The following SIPA1L1 variants were observed in gnomAD, a reference collection of about 807,000 sequenced individuals.
SIPA1L1 encodes signal induced proliferation associated 1 like 1.
In SIPA1L1, 26 loss-of-function variants were observed where a neutral mutation model predicts 162.7. That is an observed-to-expected ratio of 0.16 (90% CI 0.12 to 0.22). The LOEUF (loss-of-function observed/expected upper bound fraction) is 0.22. Among genes scored for constraint, SIPA1L1 ranks in the 10% least tolerant of loss-of-function variants. SIPA1L1 has a pLI of 1.00. For missense variants in SIPA1L1, 1,874 were observed against 2,241.0 expected (o/e 0.84, Z 3.31); for synonymous variants, 829 against 837.4 (o/e 0.99, Z 0.17).
intron 4 of SIPA1L1, among the ~76,000 whole-genome samples, chr14:71,577,139 AG>A (rs1178224138): frequency 6.6e-6 from 1 of 152,052 alleles, no homozygotes; most frequent in African/African-American, 2.4e-5. Flanking sequence ...AGGTTCTCAA[AG>A]TGACATGACT....
chr14:71,423,267 G>A (rs1008691810), intron 2 of SIPA1L1, among the ~76,000 whole-genome samples: 1 of 152,048 alleles, frequency 6.6e-6, no homozygotes, highest in African/African-American at 2.4e-5. Flanking sequence ...CTCCCATTCT[G>A]TGTGTTGCCT....
intron 2 of SIPA1L1, among the ~76,000 whole-genome samples, chr14:71,479,502 C>G (rs145879486): frequency 1.5e-3 from 227 of 152,168 alleles, no homozygotes; most frequent in African/African-American, 5.3e-3. Flanking sequence ...TTCAAGTGAT[C>G]CTCTTGCCTC....
At chr14:71,491,761 A>AACACAC (rs59275638) in intron 2 of SIPA1L1, among the ~76,000 whole-genome samples, 6,732 of 97,748 alleles carry the variant, frequency 0.069, 276 homozygotes, top group East Asian at 0.095. Flanking sequence ...TTTTATTTCA[A>AACACAC]ACACACACAC....
At chr14:71,644,447 G>A (rs1039515387) in intron 7 of SIPA1L1, among the ~76,000 whole-genome samples, 4 of 151,576 alleles carry the variant, frequency 2.6e-5, no homozygotes, top group African/African-American at 9.7e-5. Flanking sequence ...GTGTTGCTCT[G>A]GCTGGTCTTG....
chr14:71,520,403 T>A (rs2052204898), intron 3 of SIPA1L1, among the ~76,000 whole-genome samples: 1 of 152,228 alleles, frequency 6.6e-6, no homozygotes, highest in African/African-American at 2.4e-5. Flanking sequence ...TATTTATTTT[T>A]AAATAAATGT....
At chr14:71,730,457 G>A (rs989016500) in intron 20 of SIPA1L1, among the ~76,000 whole-genome samples, 156 bp downstream of exon 20, 1 of 152,040 alleles carries the variant, frequency 6.6e-6, no homozygotes, top group African/African-American at 2.4e-5. Context: ...TCTCTCTCCT[G>A]TAATCCCAGA....
At chr14:71,603,983 A>G (rs2037162158) in intron 5 of SIPA1L1, among the ~76,000 whole-genome samples, 2 of 145,034 alleles carry the variant, frequency 1.4e-5, no homozygotes, top group African/African-American at 2.5e-5. Flanking sequence ...ATATTTATAT[A>G]TATTTATATA....
intron 4 of SIPA1L1, among the ~76,000 whole-genome samples, chr14:71,571,953 G>A (rs2032148740): frequency 6.6e-6 from 1 of 151,934 alleles, no homozygotes; most frequent in Non-Finnish European, 1.5e-5. Context: ...TGCCTGGCCT[G>A]GATAGTTTAT....
At chr14:71,321,385 G>GCGCA (rs928185839) in intron 2 of SIPA1L1, 1 of 152,316 alleles carries the variant, frequency 6.6e-6, no homozygotes, top group African/African-American at 2.4e-5. Flanking sequence ...CCCGGCGCGC[G>GCGCA]CGCACGCACC....
chr14:71,675,548 C>A (rs2045062525), intron 12 of SIPA1L1, among the ~76,000 whole-genome samples: 1 of 152,246 alleles, frequency 6.6e-6, no homozygotes, highest in South Asian at 2.1e-4. Context: ...ACAGCTGAAG[C>A]ATTAACACCT....
At chr14:71,408,102 C>T (rs1327082275) in intron 2 of SIPA1L1, among the ~76,000 whole-genome samples, 5 of 152,124 alleles carry the variant, frequency 3.3e-5, no homozygotes, top group Non-Finnish European at 7.4e-5. Context: ...ACCAGAAATG[C>T]AGTTAGAATA....
At chr14:71,716,290 G>A (rs2083268449) in intron 17 of SIPA1L1, among the ~76,000 whole-genome samples, 1 of 152,120 alleles carries the variant, frequency 6.6e-6, no homozygotes, top group Non-Finnish European at 1.5e-5. Context: ...GTCACCCAAA[G>A]GCTTGTTATT....
chr14:71,366,578 C>T (rs1314445012), intron 2 of SIPA1L1, among the ~76,000 whole-genome samples: 2 of 152,104 alleles, frequency 1.3e-5, no homozygotes, highest in African/African-American at 4.8e-5. Flanking sequence ...GGACTACAGG[C>T]GCCCGCCACC....
intron 5 of SIPA1L1, among the ~76,000 whole-genome samples, chr14:71,595,621 C>A (rs1044859556): frequency 6.6e-6 from 1 of 152,140 alleles, no homozygotes; most frequent in East Asian, 1.9e-4. Context: ...CCAAATAAAA[C>A]GCCTTTGTCC....
chr14:71,511,536 A>G (rs1037884307), intron 2 of SIPA1L1, among the ~76,000 whole-genome samples: 2 of 151,890 alleles, frequency 1.3e-5, no homozygotes, highest in African/African-American at 2.4e-5. Context: ...CAATGTGCCC[A>G]CTTTTACATC....
At chr14:71,473,681 A>G (rs2047639931) in intron 2 of SIPA1L1, among the ~76,000 whole-genome samples, 1 of 152,234 alleles carries the variant, frequency 6.6e-6, no homozygotes, top group Non-Finnish European at 1.5e-5. Flanking sequence ...CAGGAAGATC[A>G]TTCTGGGCTT....
intron 22 of SIPA1L1, among the ~76,000 whole-genome samples, chr14:71,737,329 C>T (rs1165911893): frequency 2.0e-5 from 3 of 152,134 alleles, no homozygotes; most frequent in Admixed American, 1.3e-4. Context: ...TCACTTAGCT[C>T]TTTCCCATTG....
chr14:71,445,906 T>C lies in SIPA1L1; in HGVS notation c.-464-66837T>C, dbSNP rs559327804. 7.9e-5 allele frequency among the ~76,000 whole-genome samples: 12 copies of C among 152,352 alleles called. No homozygotes were observed. In the East Asian group the frequency reaches 2.3e-3, roughly 29 times the overall value. On this transcript the variant is annotated intron_variant, in intron 2 of 23. Coordinates refer to ENST00000381232, the MANE Select transcript of SIPA1L1 (RefSeq NM_001386936.1). ...CTCTGTTGCTCAGGTTGGAGTGCAG[T>C]GGCCCAGTCATAGCTCACTGTAGCC...
chr14:71,436,846 C>G (rs2044422325), intron 2 of SIPA1L1, among the ~76,000 whole-genome samples: 1 of 149,440 alleles, frequency 6.7e-6, no homozygotes, highest in South Asian at 2.1e-4. Context: ...CTCACTGCAA[C>G]CTCTATCGCC....
Sources: allele counts gnomAD v4.1 joint callset (sites outside exome capture counted in the v4.1 genomes callset), GRCh38; gene constraint gnomAD v4.1.1; transcripts MANE v1.5; gene names NCBI Gene and HGNC (gene_info 2026-07-23, HGNC 2026-07-21).